FGF13: variants seen among roughly 807,000 people sequenced by gnomAD.
FGF13 encodes the protein fibroblast growth factor 13.
A neutral mutation model predicts 19.5 loss-of-function variants in FGF13; 2 were observed. The observed-to-expected ratio is 0.10, with a 90% CI of 0.04 to 0.32. FGF13 has a LOEUF of 0.32. Ranked by LOEUF, FGF13 falls within the 10% of genes least tolerant of loss-of-function variation. The pLI is 1.00. For synonymous variants in FGF13, 72 were observed against 76.9 expected, an observed-to-expected ratio of 0.94 and a Z score of 0.33; for missense variants, 113 against 192.7, an observed-to-expected ratio of 0.59 and a Z score of 2.45.
chrX:138,847,464 C>T (rs1293568692), intron 3 of FGF13, among the ~76,000 whole-genome samples: 1 of 111,583 alleles, frequency 9.0e-6, no homozygotes, highest in Non-Finnish European at 1.9e-5. Flanking sequence ...CTTAAAATAG[C>T]TAGGGCTCAT....
chrX:138,671,032 C>T (rs1053525874), intron 3 of FGF13, among the ~76,000 whole-genome samples: 2 of 82,616 alleles, frequency 2.4e-5, no homozygotes, highest in Non-Finnish European at 4.3e-5. Flanking sequence ...CCATCACCAT[C>T]GCCACCACCA....
chrX:139,114,968 T>C (rs987972735), intron 1 of FGF13, among the ~76,000 whole-genome samples: 1 of 112,117 alleles, frequency 8.9e-6, no homozygotes, highest in African/African-American at 3.2e-5. Context: ...TAAAAGTGTA[T>C]GTATTATACA....
At chrX:138,838,099 C>T in intron 3 of FGF13, among the ~76,000 whole-genome samples, 1 of 111,859 alleles carries the variant, frequency 8.9e-6, no homozygotes, top group Admixed American at 9.4e-5. Context: ...AAACATGGCG[C>T]CCCACCCTTC....
chrX:139,120,792 C>T (rs1320960306), intron 1 of FGF13, among the ~76,000 whole-genome samples: 1 of 112,947 alleles, frequency 8.9e-6, no homozygotes, highest in African/African-American at 3.2e-5. Context: ...GCACTGTGGG[C>T]TGTGGGCCAG....
chrX:138,700,160 T>C (rs889051945), intron 3 of FGF13, among the ~76,000 whole-genome samples: 2 of 111,127 alleles, frequency 1.8e-5, no homozygotes, highest in Admixed American at 9.6e-5. Context: ...CTCTAAAATA[T>C]CTCAGCAATC....
At chrX:139,161,077 C>T (rs2084028361) in intron 1 of FGF13, among the ~76,000 whole-genome samples, 1 of 112,033 alleles carries the variant, frequency 8.9e-6, no homozygotes, top group Admixed American at 9.5e-5. Context: ...CCATGATGAA[C>T]ATAGATGCAA....
intron 1 of FGF13, among the ~76,000 whole-genome samples, chrX:139,203,219 G>T (rs908087802): frequency 9.0e-6 from 1 of 111,562 alleles, no homozygotes; most frequent in Non-Finnish European, 1.9e-5. Context: ...GCACTCCAGG[G>T]GGACCAGTGG....
At chrX:138,704,547 C>T (rs976037660) in intron 2 of FGF13, among the ~76,000 whole-genome samples, 3 of 112,149 alleles carry the variant, frequency 2.7e-5, no homozygotes, top group Non-Finnish European at 5.6e-5. Flanking sequence ...AATAGTTTTT[C>T]TGGGATCGTT....
rs2088982473 is a variant in FGF13 at position 138,617,869 on chromosome X, G to T, written c.*14981C>A. 1 of 110,779 alleles carries T rather than the reference G, an allele frequency of 9.0e-6. No individual in the cohort carries two copies. Among genetic ancestry groups the T allele is most frequent in the Non-Finnish European group, 1.9e-5 (1 of 52,991 alleles). The allele number at this position is 110,779 out of a possible 1,213,427, so 9.1% of individuals were successfully genotyped here. ...GAAGTGGGAGGATCACTTGACCCAA[G>T]AAATTCGAGGCTGCAGTGAGCTGCG... On this transcript the variant is annotated 3_prime_UTR_variant, in exon 5 of 5. Transcript: ENST00000315930.
At chrX:139,001,260 C>T (rs766679531) in intron 1 of FGF13, among the ~76,000 whole-genome samples, 1 of 111,457 alleles carries the variant, frequency 9.0e-6, no homozygotes, top group South Asian at 3.8e-4. Flanking sequence ...CAATACCATT[C>T]AGGACTTAGG....
intron 1 of FGF13, among the ~76,000 whole-genome samples, chrX:139,008,062 G>A (rs778062802): frequency 4.5e-5 from 5 of 112,276 alleles, no homozygotes; most frequent in East Asian, 2.8e-4. Context: ...CTGTATGACC[G>A]AGCAGATGCA....
upstream of FGF13, among the ~76,000 whole-genome samples, chrX:138,715,059 C>A (rs2090088701): frequency 8.9e-6 from 1 of 111,971 alleles, no homozygotes; most frequent in Non-Finnish European, 1.9e-5. Context: ...CTGCTTATCC[C>A]TGGTGGTTCA....
At chrX:138,970,186 T>C (rs1603083091) in intron 1 of FGF13, among the ~76,000 whole-genome samples, 1 of 111,960 alleles carries the variant, frequency 8.9e-6, no homozygotes, top group East Asian at 2.8e-4. Flanking sequence ...ATTTTTAGTT[T>C]CAGGAGTGCA....
At chrX:138,770,242 C>T (rs960063129) in intron 3 of FGF13, among the ~76,000 whole-genome samples, 3 of 111,349 alleles carry the variant, frequency 2.7e-5, no homozygotes, top group African/African-American at 9.8e-5. Flanking sequence ...AGCAATGTTA[C>T]CCCACAGGGC....
chrX:138,662,247 T>C (rs922165581), intron 3 of FGF13, among the ~76,000 whole-genome samples: 3 of 111,729 alleles, frequency 2.7e-5, no homozygotes. Context: ...GTTCGTTTAA[T>C]TTCATTATTT....
intron 3 of FGF13, among the ~76,000 whole-genome samples, chrX:138,822,163 A>G (rs2091003767): frequency 8.9e-6 from 1 of 112,130 alleles, no homozygotes; most frequent in Admixed American, 9.5e-5. Flanking sequence ...GCCTCTGTTT[A>G]TCTCCTCCTG....
chrX:138,726,972 A>T (rs775597022), intron 1 of FGF13, among the ~76,000 whole-genome samples: 3 of 111,136 alleles, frequency 2.7e-5, no homozygotes, highest in Admixed American at 1.9e-4. Context: ...CTCTGCTGCC[A>T]TAATGACAGC....
intron 1 of FGF13, among the ~76,000 whole-genome samples, chrX:138,878,397 C>T (rs368461857): frequency 1.0e-4 from 10 of 100,182 alleles, no homozygotes; most frequent in Admixed American, 7.9e-4. Context: ...TGAGAACATG[C>T]GGTGTTTGGT....
intron 1 of FGF13, among the ~76,000 whole-genome samples, chrX:139,009,856 G>C (rs2092120540): frequency 9.0e-6 from 1 of 111,487 alleles, no homozygotes. Flanking sequence ...AAAAAACACA[G>C]AATGTCAGAA....
Sources: allele counts gnomAD v4.1 joint callset (sites outside exome capture counted in the v4.1 genomes callset), GRCh38; gene constraint gnomAD v4.1.1; transcripts MANE v1.5; gene names NCBI Gene and HGNC (gene_info 2026-07-23, HGNC 2026-07-21).